FAM216A: variants seen among roughly 807,000 people sequenced by gnomAD.
FAM216A encodes family with sequence similarity 216 member A, also known as protein FAM216A.
A neutral mutation model predicts 37.6 loss-of-function variants in FAM216A; 26 were observed. The observed-to-expected ratio is 0.69, with a 90% CI of 0.51 to 0.96. The LOEUF (loss-of-function observed/expected upper bound fraction) is 0.96, where lower values mean the gene tolerates loss of function less well. FAM216A is among the 40% of genes least tolerant of loss of function. FAM216A has a pLI of 0.00. For synonymous variants in FAM216A, 110 were observed against 121.7 expected (o/e 0.90, Z 0.64); for missense variants, 326 against 339.3 (o/e 0.96, Z 0.31).
chr12:110,487,923 G>A lies in FAM216A; in HGVS notation c.683G>A (p.Arg228Lys). The change falls in exon 6 of 7, where the codon AGG becomes AAG. Residue 228 changes from arginine to lysine, a missense_variant. Arg to Lys is a conservative substitution (Grantham distance 26, BLOSUM62 2). Coordinates refer to ENST00000377673, the MANE Select transcript of FAM216A (RefSeq NM_013300.3). ...CKSLKIFRRP[R>K]KLFMQTVSSD... The stretch of plus-strand genomic sequence containing the variant: ...TCACTGAAGATTTTTAGAAGACCAA[G>A]GAAACTGTTCATGCAAACAGGTAAA... 6.2e-7 allele frequency: 1 copy of A among 1,604,010 alleles called. No individual in the cohort carries two copies. Among genetic ancestry groups the A allele is most frequent in the Non-Finnish European group, 8.5e-7 (1 of 1,172,926 alleles).
At chr12:110,469,494 T>C (rs1210787081) in intron 1 of FAM216A, among the ~76,000 whole-genome samples, 1 of 152,070 alleles carries the variant, frequency 6.6e-6, no homozygotes, top group Non-Finnish European at 1.5e-5. Context: ...GATTTCTTTT[T>C]CTTTTTTTTT....
intron 2 of FAM216A, among the ~76,000 whole-genome samples, chr12:110,483,145 GA>G (rs1329166099): frequency 6.6e-6 from 1 of 151,870 alleles, no homozygotes; most frequent in Non-Finnish European, 1.5e-5. Context: ...CTAACACAGT[GA>G]AACGCCGTCT....
chr12:110,469,044 G>T lies in FAM216A; in HGVS notation c.143+26G>T, dbSNP rs1055876337. The T allele has an allele frequency of 6.3e-6, 9 of 1,419,100 alleles. No individual in the cohort carries two copies. In the African/African-American group the frequency reaches 1.3e-4, roughly 21 times the overall value. The allele number at this position is 1,419,100 out of a possible 1,614,324, so 87.9% of individuals were successfully genotyped here. On this transcript the variant is annotated intron_variant, in intron 1 of 6. Coordinates refer to ENST00000377673, the MANE Select transcript of FAM216A (RefSeq NM_013300.3). ...GTGAGGTTGGGGGCCCCGGGGTAAGGGTGGCAGCATGGGGCCCCCGGGTCG... is the reference window on the plus strand; with the variant it reads ...GTGAGGTTGGGGGCCCCGGGGTAAGTGTGGCAGCATGGGGCCCCCGGGTCG...
chr12:110,482,298 G>A (rs1260308678), intron 2 of FAM216A, among the ~76,000 whole-genome samples: 2 of 151,718 alleles, frequency 1.3e-5, no homozygotes, highest in African/African-American at 4.8e-5. Flanking sequence ...TGGCCAGGCT[G>A]GTCTCCTGAC....
chr12:110,482,089 T>TG (rs60804125), intron 2 of FAM216A, among the ~76,000 whole-genome samples: 1 of 148,500 alleles, frequency 6.7e-6, no homozygotes, highest in African/African-American at 2.4e-5. Context: ...CTATATACTT[T>TG]TTTTTTTTTT....
At position 110,478,352 on chromosome 12, in the gene FAM216A, A is replaced by C. The variant is rs1386272924; in HGVS notation, c.184+5234A>C. 2.7e-4 allele frequency among the ~76,000 whole-genome samples: 41 copies of C among 152,198 alleles called. 1 individual carries two copies. The highest frequency in any genetic ancestry group is 1.5e-5 in the Non-Finnish European group (1 of 68,044). On this transcript the variant is annotated intron_variant, in intron 2 of 6. Coordinates refer to ENST00000377673, the MANE Select transcript of FAM216A (RefSeq NM_013300.3). ...CTCCAAAGAGCCTGTGGTAGGCAGC[A>C]TGGTCCCCAAAGATGTTCACACTCT...
chr12:110,468,652 G>T (rs911681433), upstream of FAM216A: 43 of 1,537,008 alleles, frequency 2.8e-5, no homozygotes, highest in Non-Finnish European at 3.3e-5. Context: ...TTTCCCTCCT[G>T]TGACGCACTG....
intron 1 of FAM216A, among the ~76,000 whole-genome samples, chr12:110,470,241 A>G (rs1378133962): frequency 8.7e-5 from 13 of 149,186 alleles, no homozygotes; most frequent in Non-Finnish European, 1.8e-4. Flanking sequence ...TGGGATTACA[A>G]GCGCCTGCCA....
intron 2 of FAM216A, among the ~76,000 whole-genome samples, chr12:110,478,031 ATT>A (rs2062724539): frequency 6.6e-6 from 1 of 152,116 alleles, no homozygotes. Flanking sequence ...TAATTCCATC[ATT>A]GATTCTACAT....
chr12:110,468,512 C>T (rs769676186), upstream of FAM216A: 3 of 1,537,236 alleles, frequency 2.0e-6, no homozygotes, highest in South Asian at 1.2e-5. Flanking sequence ...CGCATCCTTG[C>T]GCCACGTGCT....
At chr12:110,482,243 G>A (rs1338379528) in intron 2 of FAM216A, among the ~76,000 whole-genome samples, 1 of 151,938 alleles carries the variant, frequency 6.6e-6, no homozygotes, top group African/African-American at 2.4e-5. Context: ...CACCACACCT[G>A]GCTAACTTTT....
At chr12:110,472,002 C>T (rs1243103117) in intron 1 of FAM216A, among the ~76,000 whole-genome samples, 5 of 151,722 alleles carry the variant, frequency 3.3e-5, no homozygotes, top group Non-Finnish European at 7.4e-5. Flanking sequence ...GAGGCTGAGG[C>T]GGGCGAATCA....
At chr12:110,486,481 A>G (rs1238864797) in intron 4 of FAM216A, 27 bp downstream of exon 4, 1 of 1,607,478 alleles carries the variant, frequency 6.2e-7, no homozygotes. Flanking sequence ...TTGTCTTTTC[A>G]CTAGTTTTTA....
chr12:110,490,043 A>C lies in FAM216A; in HGVS notation c.728A>C (p.His243Pro). Residue 243 changes from histidine (H) to proline (P), a missense_variant, in exon 7 of 7, where the codon CAC becomes CCC. Physicochemically the swap from His to Pro is moderately conservative, Grantham distance 77 (BLOSUM62 -2). Coordinates refer to ENST00000377673, the MANE Select transcript of FAM216A (RefSeq NM_013300.3). ...GTTTCTTCAGATGATTCTGAATCAC[A>C]CATGAGTGAAGAAAAAAAGGAAGAA... ...QTVSSDDSES[H>P]MSEEKKEEDL... 2 of 1,496,660 alleles carry C rather than the reference A, an allele frequency of 1.3e-6. No homozygotes were observed. Among genetic ancestry groups the C allele is most frequent in the Non-Finnish European group, 1.9e-6 (2 of 1,074,080 alleles). 92.7% of individuals were successfully genotyped at this position (1,496,660 alleles called of 1,614,324 possible).
chr12:110,480,095 G>A (rs2062737696), intron 2 of FAM216A, among the ~76,000 whole-genome samples: 1 of 149,996 alleles, frequency 6.7e-6, no homozygotes, highest in African/African-American at 2.4e-5. Context: ...GCTCGATCTC[G>A]GCTCACTGCA....
At chr12:110,474,862 T>G (rs2062706685) in intron 2 of FAM216A, among the ~76,000 whole-genome samples, 1 of 151,864 alleles carries the variant, frequency 6.6e-6, no homozygotes, top group Non-Finnish European at 1.5e-5. Context: ...CAGCTGGGTG[T>G]GGTGGTGCAT....
intron 2 of FAM216A, among the ~76,000 whole-genome samples, chr12:110,473,580 A>T (rs1046251493): frequency 3.9e-5 from 6 of 152,232 alleles, no homozygotes; most frequent in African/African-American, 1.4e-4. Context: ...TTCAAAGAGC[A>T]ATCAGGGAGG....
intron 1 of FAM216A, among the ~76,000 whole-genome samples, chr12:110,471,774 T>A (rs2062688089): frequency 6.6e-6 from 1 of 152,178 alleles, no homozygotes; most frequent in South Asian, 2.1e-4. Context: ...AACAAAAACT[T>A]TATAAACTTG....
intron 6 of FAM216A, among the ~76,000 whole-genome samples, chr12:110,488,972 A>C (rs1440582790): frequency 6.6e-6 from 1 of 152,204 alleles, no homozygotes; most frequent in East Asian, 1.9e-4. Flanking sequence ...ATATTCAACA[A>C]AACAGTGGAG....
Sources: gnomAD v4.1 joint callset for allele counts (sites outside exome capture counted in the v4.1 genomes callset) on GRCh38, gnomAD v4.1.1 for gene constraint, MANE v1.5 for transcripts, NCBI Gene and HGNC (gene_info 2026-07-23, HGNC 2026-07-21) for gene names.